Variants in EMC10 observed in about 807,000 individuals in gnomAD.
The protein encoded by EMC10 is ER membrane protein complex subunit 10, also known as UPF0510 protein INM02.
Under a neutral mutation model 32.2 loss-of-function variants are expected in EMC10, and 40 were observed. That is an observed-to-expected ratio of 1.24 (90% CI 0.96 to 1.61). EMC10 has a LOEUF of 1.61. Among genes scored for constraint, EMC10 ranks in the 40% most tolerant of loss-of-function variants. EMC10 has a pLI of 0.00. For synonymous variants in EMC10, 178 were observed against 158.4 expected (o/e 1.12, Z -0.93); for missense variants, 402 against 357.7 (o/e 1.12, Z -1.00).
Position 50,487,698 on chromosome 19 carries a change from A to AG in EMC10, c.*5443dup, listed in dbSNP as rs1204271455. On this transcript the variant is annotated 3_prime_UTR_variant, in exon 7 of 7. Coordinates refer to ENST00000334976, the MANE Select transcript of EMC10 (RefSeq NM_206538.4). The stretch of plus-strand genomic sequence containing the variant: ...GCAAAGGCCCACCAGGCAGGGATGC[A>AG]GGGGCCACCTGGAGACGGAGGAGAC... 1.3e-5 allele frequency: 2 copies of AG among 153,144 alleles called. No individual in the cohort carries two copies. The highest frequency in any genetic ancestry group is 4.8e-5 in the African/African-American group (2 of 41,442). 9.5% of individuals were successfully genotyped at this position (153,144 alleles called of 1,614,324 possible).
rs1162986522 is a variant in EMC10 at position 50,477,969 on chromosome 19, T to C, written c.155T>C (p.Val52Ala). The change falls in exon 2 of 7, where the codon GTG (valine) becomes GCG (alanine). Residue 52 changes from valine (V) to alanine (A), a missense_variant. Transcript: ENST00000334976. Reference sequence around the variant, plus strand: ...CGAGAGGGCGAGGCCTGTGGCACGGTGGGGCTGCTGCTGGAGCACTCATTT... The same window carrying C: ...CGAGAGGGCGAGGCCTGTGGCACGGCGGGGCTGCTGCTGGAGCACTCATTT... ...EGREGEACGTVGLLLEHSFEI... is the reference protein window; with the variant it reads ...EGREGEACGTAGLLLEHSFEI... 1 of 1,602,238 alleles carries C rather than the reference T, an allele frequency of 6.2e-7. No individual in the cohort carries two copies. The highest frequency in any genetic ancestry group is 8.5e-7 in the Non-Finnish European group (1 of 1,176,332).
In EMC10 at chr19:50,485,838, C is replaced by G. The variant is rs1388869331; in HGVS notation, c.*3579C>G. On this transcript the variant is annotated 3_prime_UTR_variant, in exon 7 of 7. Coordinates refer to ENST00000334976, the MANE Select transcript of EMC10 (RefSeq NM_206538.4). Reference sequence around the variant, plus strand: ...CCCATCCTTCTGTGTCTCCTCCTCTCTGTGTCCACTGTCCTGACCCTAACT... The same window carrying G: ...CCCATCCTTCTGTGTCTCCTCCTCTGTGTGTCCACTGTCCTGACCCTAACT... The G allele has an allele frequency of 2.0e-5, 3 of 152,838 alleles. No individual in the cohort carries two copies. Among genetic ancestry groups the G allele is most frequent in the Non-Finnish European group, 2.9e-5 (2 of 68,576 alleles). 9.5% of individuals were successfully genotyped at this position (152,838 alleles called of 1,614,324 possible). A position where few individuals can be genotyped will look rare whatever the true frequency, so the allele number is the denominator to read the frequency against.
Position 50,480,155 on chromosome 19 carries a change from G to A in EMC10, c.342G>A (p.Arg114=), listed in dbSNP as rs2122659661. ...LNGLYRVRIP[R]RPGALDGLEA... ...GCCTGTACCGGGTCCGGATCCCAAG[G>A]CGACCCGGGGCCCTGGATGGCCTGG... is the stretch of plus-strand genomic sequence containing the variant. Residue 114 remains arginine, a synonymous_variant, in exon 4 of 7, where the codon AGG becomes AGA. Transcript: ENST00000334976. This position sits in a 1 kb window ranked among gnomAD's most constrained non-coding sequence, Gnocchi z 4.4. 1 of 1,613,690 alleles carries A rather than the reference G, an allele frequency of 6.2e-7. No homozygotes were observed. Among genetic ancestry groups the A allele is most frequent in the East Asian group, 2.2e-5 (1 of 44,874 alleles).
At position 50,480,514 on chromosome 19, in the gene EMC10, C is replaced by T. The variant is rs2272325; in HGVS notation, c.403-67C>T. ...GCTCCGGGGGTCCTGTGGTGGGGGC[C>T]GGGGGAGGTTAGGGTGGAGCCCAGG... On this transcript the variant is annotated intron_variant, in intron 4 of 6. Coordinates refer to ENST00000334976, the MANE Select transcript of EMC10 (RefSeq NM_206538.4). The surrounding 1 kb of genome is among the most constrained non-coding windows in gnomAD (Gnocchi z 4.4). 3.8e-4 allele frequency: 572 copies of T among 1,512,636 alleles called. 1 individual carries two copies. In the East Asian group the frequency reaches 0.012, roughly 33 times the overall value. The allele number at this position is 1,512,636 out of a possible 1,614,324, so 93.7% of individuals were successfully genotyped here.
Position 50,483,107 on chromosome 19 carries a change from T to A in EMC10, c.*848T>A. 1 of 485,172 alleles carries A rather than the reference T, an allele frequency of 2.1e-6. No homozygotes were observed. The allele number at this position is 485,172 out of a possible 1,614,324, so 30.1% of individuals were successfully genotyped here. A position where few individuals can be genotyped will look rare whatever the true frequency, so the allele number is the denominator to read the frequency against. On this transcript the variant is annotated 3_prime_UTR_variant, in exon 7 of 7. Transcript: ENST00000334976. ...CTGTGTGCCACCCTCCCTGTAAGTC[T>A]ATTTAAAAACATCGACGATACATTG... is the stretch of plus-strand genomic sequence containing the variant.
intron 6 of EMC10, chr19:50,481,700 G>C: frequency 1.6e-6 from 1 of 623,488 alleles, no homozygotes; most frequent in Non-Finnish European, 2.7e-6. Flanking sequence ...GCTCCGCCTG[G>C]ATAGTCCAAC....
rs1007180501 is a variant in EMC10 at position 50,488,753 on chromosome 19, AGGAG to A, written c.*6500_*6503del. On this transcript the variant is annotated 3_prime_UTR_variant, in exon 7 of 7. Transcript: ENST00000334976. ...AGGATAGTGGCTGGGAGGAGAGAGG[AGGAG>A]GGAGGAGCACAGAGGGAGAGGAGAG... 2.0e-5 allele frequency: 3 copies of A among 151,378 alleles called. No individual in the cohort carries two copies. Among genetic ancestry groups the A allele is most frequent in the African/African-American group, 7.3e-5 (3 of 40,890 alleles). The allele number at this position is 151,378 out of a possible 1,614,324, so 9.4% of individuals were successfully genotyped here. A position where few individuals can be genotyped will look rare whatever the true frequency, so the allele number is the denominator to read the frequency against.
chr19:50,478,765 G>T (rs942490982), intron 2 of EMC10, among the ~76,000 whole-genome samples, 192 bp from the exon 3 acceptor site: 1 of 152,180 alleles, frequency 6.6e-6, no homozygotes, highest in Non-Finnish European at 1.5e-5. Flanking sequence ...ATCTGCTACG[G>T]GTTGCCTTGT....
rs1001182839 is a variant in EMC10 at position 50,478,010 on chromosome 19, G to A, written c.187+9G>A. The A allele has an allele frequency of 6.2e-7, 1 of 1,601,486 alleles. No individual in the cohort carries two copies. Among genetic ancestry groups the A allele is most frequent in the Non-Finnish European group, 8.5e-7 (1 of 1,175,456 alleles). On this transcript the variant is annotated intron_variant, in intron 2 of 6. Coordinates refer to ENST00000334976, the MANE Select transcript of EMC10 (RefSeq NM_206538.4). ...GCACTCATTTGAGATCGGTGAGTCA[G>A]GCAACGTCCTCTCCTAGACACTTAA... is the stretch of plus-strand genomic sequence containing the variant.
rs1023592328 is a variant in EMC10, at chr19:50,483,341, A to T, written c.*1082A>T. 1 of 332,330 alleles carries T rather than the reference A, an allele frequency of 3.0e-6. No homozygotes were observed. The highest frequency in any genetic ancestry group is 6.0e-6 in the Non-Finnish European group (1 of 167,182). 20.6% of individuals were successfully genotyped at this position (332,330 alleles called of 1,614,324 possible). ...GGCAGTTTATTAAACTGTCCCCCAG[A>T]TCGACACGCAGCTAGCCTCCTGCAT... On this transcript the variant is annotated 3_prime_UTR_variant, in exon 7 of 7. Transcript: ENST00000334976.
Position 50,484,160 on chromosome 19 carries a change from G to A in EMC10, c.*1901G>A, listed in dbSNP as rs998579904. ...CTCCTGCATCAGCCTCCCAAATAGC[G>A]GGGATTGCAGGCGCCCGCCAACACA... On this transcript the variant is annotated 3_prime_UTR_variant, in exon 7 of 7. Coordinates refer to ENST00000334976, the MANE Select transcript of EMC10 (RefSeq NM_206538.4). 2.0e-5 allele frequency: 3 copies of A among 150,904 alleles called. No individual in the cohort carries two copies. Among genetic ancestry groups the A allele is most frequent in the African/African-American group, 7.3e-5 (3 of 40,988 alleles). The allele number at this position is 150,904 out of a possible 1,614,324, so 9.3% of individuals were successfully genotyped here. A position where few individuals can be genotyped will look rare whatever the true frequency, so the allele number is the denominator to read the frequency against.
Position 50,479,077 on chromosome 19 carries a change from G to A in EMC10, c.297+11G>A. ...CGGGGCCGACTCCGGGTGAGGTGGGGCCCTCAGGGCTGGGTGTGGATGGGG... is the reference window on the plus strand; with the variant it reads ...CGGGGCCGACTCCGGGTGAGGTGGGACCCTCAGGGCTGGGTGTGGATGGGG... On this transcript the variant is annotated intron_variant, in intron 3 of 6. Coordinates refer to ENST00000334976, the MANE Select transcript of EMC10 (RefSeq NM_206538.4). 1.3e-6 allele frequency: 2 copies of A among 1,587,756 alleles called. No individual in the cohort carries two copies. The highest frequency in any genetic ancestry group is 1.7e-6 in the Non-Finnish European group (2 of 1,166,266).
At position 50,482,320 on chromosome 19, in the gene EMC10, C is replaced by A. The variant is rs1471274281; in HGVS notation, c.*61C>A. On this transcript the variant is annotated 3_prime_UTR_variant, in exon 7 of 7. Transcript: ENST00000334976. ...CAGGGGCCTCCCTTTCTGCTGGAGT[C>A]CCCTGTGTCCTCAGCCATCCCAAGA... The A allele has an allele frequency of 1.4e-6, 1 of 724,582 alleles. No individual in the cohort carries two copies. Among genetic ancestry groups the A allele is most frequent in the Non-Finnish European group, 2.4e-6 (1 of 422,806 alleles). 44.9% of individuals were successfully genotyped at this position (724,582 alleles called of 1,614,324 possible). A position where few individuals can be genotyped will look rare whatever the true frequency, so the allele number is the denominator to read the frequency against.
intron 3 of EMC10, among the ~76,000 whole-genome samples, chr19:50,479,333 G>C (rs541685609): frequency 6.6e-6 from 1 of 152,342 alleles, no homozygotes; most frequent in East Asian, 1.9e-4. Flanking sequence ...TCCCCTGCAG[G>C]TTCACACAGT....
chr19:50,484,007 A>G lies in EMC10; in HGVS notation c.*1748A>G, dbSNP rs965821172. ...TCTTTTCCTAGAGGATTCCAGAAAT[A>G]TTTACTAATGCTTTTTTTTTTTTTT... On this transcript the variant is annotated 3_prime_UTR_variant, in exon 7 of 7. Coordinates refer to ENST00000334976, the MANE Select transcript of EMC10 (RefSeq NM_206538.4). 4 of 86,352 alleles carry G rather than the reference A, an allele frequency of 4.6e-5. No homozygotes were observed. The highest frequency in any genetic ancestry group is 2.1e-4 in the African/African-American group (4 of 19,140). The allele number at this position is 86,352 out of a possible 1,614,324, so 5.3% of individuals were successfully genotyped here. A position where few individuals can be genotyped will look rare whatever the true frequency, so the allele number is the denominator to read the frequency against.
chr19:50,478,571 A>C (rs1312309889), intron 2 of EMC10, among the ~76,000 whole-genome samples: 1 of 152,208 alleles, frequency 6.6e-6, no homozygotes, highest in Non-Finnish European at 1.5e-5. Flanking sequence ...CCCCTCTGCA[A>C]ACCCTGGCAT....
chr19:50,480,838 C>A lies in EMC10; in HGVS notation c.585-46C>A. On this transcript the variant is annotated intron_variant, in intron 5 of 6. Transcript: ENST00000334976. This position sits in a 1 kb window ranked among gnomAD's most constrained non-coding sequence, Gnocchi z 4.4. ...CTGGCGGCCTCAGGGTCTCCAGGTC[C>A]CTGGACTCCGGGCCTCACCCTTCTC... 1 of 1,572,336 alleles carries A rather than the reference C, an allele frequency of 6.4e-7. No individual in the cohort carries two copies. The highest frequency in any genetic ancestry group is 1.2e-5 in the South Asian group (1 of 85,892).
chr19:50,481,399 G>GCC (rs2040317235), intron 6 of EMC10: 1 of 216,850 alleles, frequency 4.6e-6, no homozygotes, highest in Non-Finnish European at 9.0e-6. Context: ...TGCCTGGGAG[G>GCC]CCTCCTGGAG....
intron 6 of EMC10, chr19:50,481,874 T>G (rs2040324035): frequency 3.2e-6 from 5 of 1,582,678 alleles, no homozygotes; most frequent in Non-Finnish European, 4.3e-6. Flanking sequence ...CACATCATCC[T>G]GGGGGGGGCC....
Sources: gnomAD v4.1 joint callset for allele counts (sites outside exome capture counted in the v4.1 genomes callset) on GRCh38, gnomAD v4.1.1 for gene constraint, Gnocchi (gnomAD v3.1) non-coding constraint, MANE v1.5 for transcripts, NCBI Gene and HGNC (gene_info 2026-07-23, HGNC 2026-07-21) for gene names.